The following BLTP3B variants were observed in gnomAD, a reference collection of about 807,000 sequenced individuals.
BLTP3B encodes the protein bridge-like lipid transfer protein family member 3B.
At chr12:100,047,298 G>C in the BLTP3B span, among the ~76,000 whole-genome samples, 1 of 152,216 alleles carries the variant, frequency 6.6e-6, no homozygotes, top group African/African-American at 2.4e-5. Context: ...AGGAGTTTGA[G>C]ACCAGCCTGG....
chr12:100,039,540 C>T, the BLTP3B span: 1 of 1,477,360 alleles, frequency 6.8e-7, no homozygotes, highest in Non-Finnish European at 9.3e-7. Flanking sequence ...CTATTAGTAT[C>T]TTAATACCTA....
the BLTP3B span, among the ~76,000 whole-genome samples, chr12:100,130,692 G>A: frequency 1.3e-5 from 2 of 152,092 alleles, no homozygotes; most frequent in African/African-American, 4.8e-5. Context: ...AAGGCAGGCG[G>A]ATCACCTGAG....
At chr12:100,058,066 G>A in the BLTP3B span, 2 of 1,584,508 alleles carry the variant, frequency 1.3e-6, no homozygotes, top group Non-Finnish European at 1.7e-6. Context: ...CTAACTGGGG[G>A]GGTCTCTTCT....
the BLTP3B span, among the ~76,000 whole-genome samples, chr12:100,081,130 T>C: frequency 1.3e-5 from 2 of 152,208 alleles, no homozygotes; most frequent in East Asian, 1.9e-4. Flanking sequence ...TCCCCAGCCA[T>C]GTGGAACTGT....
At chr12:100,062,951 C>A in the BLTP3B span, among the ~76,000 whole-genome samples, 1 of 149,952 alleles carries the variant, frequency 6.7e-6, no homozygotes, top group South Asian at 2.1e-4. Context: ...CAGAGTGAGG[C>A]TGTCTCAAAA....
At chr12:100,137,412 G>T in the BLTP3B span, among the ~76,000 whole-genome samples, 1 of 152,124 alleles carries the variant, frequency 6.6e-6, no homozygotes, top group South Asian at 2.1e-4. Context: ...TCCTGCATGT[G>T]TTTAACCCTT....
At chr12:100,059,897 T>C in the BLTP3B span, 6 of 1,612,626 alleles carry the variant, frequency 3.7e-6, no homozygotes, top group African/African-American at 5.3e-5. Context: ...TCGTCAGATT[T>C]TGAATTGTCA....
chr12:100,120,568 ATAC>A, the BLTP3B span, among the ~76,000 whole-genome samples: 3 of 152,206 alleles, frequency 2.0e-5, no homozygotes, highest in Non-Finnish European at 4.4e-5. Context: ...AAGGCTAACT[ATAC>A]TGAGTATTGG....
the BLTP3B span, chr12:100,059,579 C>T: frequency 6.6e-7 from 1 of 1,514,598 alleles, no homozygotes; most frequent in Admixed American, 2.3e-5. Flanking sequence ...CAAATCCATA[C>T]ATCTTGAAGA....
At chr12:100,050,208 G>A in the BLTP3B span, 1 of 1,593,350 alleles carries the variant, frequency 6.3e-7, no homozygotes, top group East Asian at 2.3e-5. Flanking sequence ...GGCTGATATT[G>A]CCTAATTGGT....
chr12:100,110,824 T>C, the BLTP3B span, among the ~76,000 whole-genome samples: 99 of 152,262 alleles, frequency 6.5e-4, no homozygotes, highest in Non-Finnish European at 1.1e-3. Context: ...TCAGAAATAC[T>C]GTTATCTGTA....
the BLTP3B span, among the ~76,000 whole-genome samples, chr12:100,130,107 G>A: frequency 9.9e-5 from 15 of 152,122 alleles, no homozygotes; most frequent in Non-Finnish European, 1.6e-4. Context: ...ACAGGCATGC[G>A]CCACTACACC....
the BLTP3B span, among the ~76,000 whole-genome samples, chr12:100,132,374 G>T: frequency 6.6e-6 from 1 of 152,158 alleles, no homozygotes; most frequent in African/African-American, 2.4e-5. Flanking sequence ...TAGTAGGTAG[G>T]AAGTGTTTGG....
chr12:100,094,813 T>A, the BLTP3B span, among the ~76,000 whole-genome samples: 2 of 152,162 alleles, frequency 1.3e-5, no homozygotes, highest in African/African-American at 2.4e-5. Context: ...TGAGCTGAGA[T>A]TGTGCCAGTG....
the BLTP3B span, among the ~76,000 whole-genome samples, chr12:100,066,803 C>CAA: frequency 7.2e-4 from 99 of 136,688 alleles, no homozygotes; most frequent in Non-Finnish European, 1.1e-3. Context: ...GACTCCATCT[C>CAA]AAAAAAAAAA....
the BLTP3B span, among the ~76,000 whole-genome samples, chr12:100,077,896 T>G: frequency 1.3e-5 from 2 of 152,164 alleles, no homozygotes; most frequent in Non-Finnish European, 2.9e-5. Flanking sequence ...ATTCACAGTA[T>G]AGCCAATACA....
At chr12:100,057,759 T>G in the BLTP3B span, 1 of 1,579,226 alleles carries the variant, frequency 6.3e-7, no homozygotes, top group African/African-American at 1.4e-5. Flanking sequence ...GTTAACAAAA[T>G]TATTAGAAAA....
chr12:100,082,000 A>G, the BLTP3B span, among the ~76,000 whole-genome samples: 3 of 152,330 alleles, frequency 2.0e-5, no homozygotes, highest in South Asian at 6.2e-4. Context: ...TGCTTTCCAC[A>G]GTGGTTGAAC....
chr12:100,057,741 T>A, the BLTP3B span: 20 of 1,597,162 alleles, frequency 1.3e-5, no homozygotes, highest in Non-Finnish European at 1.6e-5. Flanking sequence ...TTCCTTAGGC[T>A]TTCCACTGTT....
Sources: gnomAD v4.1 joint callset for allele counts (sites outside exome capture counted in the v4.1 genomes callset) on GRCh38, gnomAD v4.1.1 for gene constraint, MANE v1.5 for transcripts, NCBI Gene and HGNC (gene_info 2026-07-23, HGNC 2026-07-21) for gene names.